The following MME variants were observed in gnomAD, a reference collection of about 807,000 sequenced individuals.
The protein encoded by MME is membrane metalloendopeptidase.
In MME, 98 loss-of-function variants were observed where a neutral mutation model predicts 113.2. That is an observed-to-expected ratio of 0.87 (90% confidence interval 0.74 to 1.02). The LOEUF is 1.02. Ranked by LOEUF, MME falls within the 50% of genes least tolerant of loss-of-function variation. The pLI, the probability that MME is intolerant of heterozygous loss-of-function variation, is 0.00. For synonymous variants in MME, 292 were observed against 300.6 expected, an observed-to-expected ratio of 0.97 and a Z score of 0.30; for missense variants, 836 against 896.0, an observed-to-expected ratio of 0.93 and a Z score of 0.86.
At chr3:155,095,775 G>A (rs1716682957) in intron 3 of MME, among the ~76,000 whole-genome samples, 1 of 152,100 alleles carries the variant, frequency 6.6e-6, no homozygotes, top group South Asian at 2.1e-4. Flanking sequence ...CTGCCGTCAG[G>A]AAAATGAAAA....
chr3:155,058,571 T>A lies in MME; in HGVS notation c.-10-25587T>A, dbSNP rs566490618. Among the ~76,000 whole-genome samples, 84 of 152,312 alleles carry A rather than the reference T, an allele frequency of 5.5e-4. 2 individuals carry two copies. The South Asian group carries it at 0.017, about 31-fold the overall frequency. ...TTGTGCCAAAGAACAAATAAGCATTTAACTTAATAATTAGGAAAAGAAAAG... is the reference window on the plus strand; with the variant it reads ...TTGTGCCAAAGAACAAATAAGCATTAAACTTAATAATTAGGAAAAGAAAAG... On this transcript the variant is annotated intron_variant, in intron 1 of 22. Coordinates refer to the MME transcript ENST00000492661.
Position 155,138,181 on chromosome 3 carries a change from A to G in MME, c.800A>G (p.Asn267Ser). The stretch of plus-strand genomic sequence containing the variant: ...GAAGAAAGATTGCCCATCGATGAAA[A>G]CCAGCTTGCTTTGGAAATGAATAAA... ...RQEERLPIDENQLALEMNKVM... is the reference protein window; with the variant it reads ...RQEERLPIDESQLALEMNKVM... The change falls in exon 9 of 23, where the codon AAC becomes AGC. Residue 267 changes from asparagine to serine, a missense_variant. Asn to Ser is a conservative substitution (Grantham distance 46, BLOSUM62 1). Transcript: ENST00000360490. 1 of 1,613,820 alleles carries G rather than the reference A, an allele frequency of 6.2e-7. No individual in the cohort carries two copies. The highest frequency in any genetic ancestry group is 8.5e-7 in the Non-Finnish European group (1 of 1,179,812).
intron 16 of MME, among the ~76,000 whole-genome samples, chr3:155,155,834 G>C (rs1252127958): frequency 6.6e-6 from 1 of 152,198 alleles, no homozygotes; most frequent in African/African-American, 2.4e-5. Flanking sequence ...TACCAAGTGT[G>C]TATGCACATA....
rs78774291 is a variant in MME at position 155,088,268 on chromosome 3, A to G, written c.196+3174A>G. On this transcript the variant is annotated intron_variant, in intron 3 of 22. Transcript: ENST00000360490. ...GGTTAGGAAATCTTTTCTGCCACAG[A>G]AAAATACAACTATTTCTTTTAGAAG... Among the ~76,000 whole-genome samples the G allele has an allele frequency of 2.8e-3, 420 of 152,312 alleles. 2 individuals are homozygous for G. Among genetic ancestry groups the G allele is most frequent in the South Asian group, 7.2e-3 (35 of 4,828 alleles).
At position 155,182,597 on chromosome 3, in the gene MME, C is replaced by G. The variant is rs1026072291; in HGVS notation, c.*2138C>G. The stretch of plus-strand genomic sequence containing the variant: ...TAGTTGGAGTAATAGGAGCTTCCAG[C>G]TCTAATAAAACAGCTGTCTCTAACT... On this transcript the variant is annotated 3_prime_UTR_variant, in exon 23 of 23. Transcript: ENST00000360490. 1 of 152,172 alleles carries G rather than the reference C, an allele frequency of 6.6e-6. No individual in the cohort carries two copies. 9.4% of individuals were successfully genotyped at this position (152,172 alleles called of 1,614,324 possible).
chr3:155,168,934 GAAGA>G (rs1292326616), intron 20 of MME, 137 bp downstream of exon 20: 2 of 718,534 alleles, frequency 2.8e-6, no homozygotes, highest in East Asian at 2.7e-5. Flanking sequence ...AAAAATATGA[GAAGA>G]AAGAGTGGTG....
rs558618245 is a variant in MME at position 155,134,449 on chromosome 3, G to A, written c.721-3653G>A. The stretch of plus-strand genomic sequence containing the variant: ...GATAATGACCTCCAGCTGCATCCAT[G>A]TTGCTGCAAAGGACATGATTTCATT... On this transcript the variant is annotated intron_variant, in intron 8 of 22. Transcript: ENST00000360490. 5.9e-5 allele frequency among the ~76,000 whole-genome samples: 9 copies of A among 152,258 alleles called. No individual in the cohort carries two copies. In the South Asian group the frequency reaches 1.9e-3, roughly 32 times the overall value.
chr3:155,039,592 A>G lies in MME; in HGVS notation c.-11+15268A>G, dbSNP rs538486858. On this transcript the variant is annotated intron_variant, in intron 1 of 22. Coordinates refer to the MME transcript ENST00000492661. Reference sequence around the variant, plus strand: ...TTAAAAACTGACCAAAGGAATCTCCATAAAATTTGCCAATTAATCATAGTA... The same window carrying G: ...TTAAAAACTGACCAAAGGAATCTCCGTAAAATTTGCCAATTAATCATAGTA... Among the ~76,000 whole-genome samples, 4 of 152,320 alleles carry G rather than the reference A, an allele frequency of 2.6e-5. No homozygotes were observed. In the South Asian group the frequency reaches 8.3e-4, roughly 32 times the overall value.
chr3:155,044,837 T>G (rs888378647), intron 1 of MME, among the ~76,000 whole-genome samples: 5 of 152,196 alleles, frequency 3.3e-5, no homozygotes, highest in Non-Finnish European at 5.9e-5. Context: ...GAACTGCACT[T>G]GACGAAGAAG....
At chr3:155,109,090 A>C (rs1277535421) in intron 3 of MME, among the ~76,000 whole-genome samples, 1 of 152,202 alleles carries the variant, frequency 6.6e-6, no homozygotes, top group East Asian at 1.9e-4. Context: ...TGAGATATCA[A>C]CAAAAATGTT....
intron 3 of MME, among the ~76,000 whole-genome samples, chr3:155,105,026 G>T (rs761038000): frequency 1.3e-5 from 2 of 152,048 alleles, no homozygotes; most frequent in African/African-American, 2.4e-5. Context: ...ATTATTAATA[G>T]AATATGTTTC....
chr3:155,143,393 T>A, intron 12 of MME, 50 bp from the exon 13 acceptor site: 1 of 1,601,460 alleles, frequency 6.2e-7, no homozygotes, highest in Non-Finnish European at 8.5e-7. Flanking sequence ...CTTAACATGC[T>A]CCAGACCTTT....
At chr3:155,168,885 A>G in intron 20 of MME, 88 bp downstream of exon 20, 2 of 1,113,002 alleles carry the variant, frequency 1.8e-6, no homozygotes, top group Non-Finnish European at 2.6e-6. Flanking sequence ...GCAAAAAAAG[A>G]AACTCATATA....
intron 3 of MME, among the ~76,000 whole-genome samples, chr3:155,087,005 G>GTT (rs5853712): frequency 2.8e-5 from 4 of 140,896 alleles, no homozygotes; most frequent in African/African-American, 5.3e-5. Flanking sequence ...GTTTTTTTTT[G>GTT]TTTTTTTTTT....
At chr3:155,098,482 G>T (rs1716928937) in intron 3 of MME, among the ~76,000 whole-genome samples, 1 of 151,986 alleles carries the variant, frequency 6.6e-6, no homozygotes, top group African/African-American at 2.4e-5. Context: ...CTTGAACCCA[G>T]GAGGTGGAGG....
upstream of MME, among the ~76,000 whole-genome samples, chr3:155,076,207 C>A (rs896525189): frequency 6.6e-5 from 10 of 152,156 alleles, no homozygotes; most frequent in African/African-American, 2.2e-4. Flanking sequence ...ATCATGAATT[C>A]TTACAGAAAG....
At chr3:155,169,312 G>A (rs1711654501) in intron 20 of MME, among the ~76,000 whole-genome samples, 1 of 152,134 alleles carries the variant, frequency 6.6e-6, no homozygotes, top group South Asian at 2.1e-4. Flanking sequence ...ACATGGCCTT[G>A]TAGTCAACCA....
intron 22 of MME, among the ~76,000 whole-genome samples, chr3:155,174,170 C>T (rs981344347): frequency 6.6e-6 from 1 of 152,008 alleles, no homozygotes; most frequent in African/African-American, 2.4e-5. Context: ...TTAAGTAAAA[C>T]GTACATAAGT....
intron 8 of MME, among the ~76,000 whole-genome samples, chr3:155,132,307 G>A (rs982932790): frequency 3.4e-4 from 52 of 152,176 alleles, no homozygotes; most frequent in African/African-American, 1.2e-3. Flanking sequence ...GGCAGGAAGA[G>A]CCTCATTTCT....
Sources: gnomAD v4.1 joint callset for allele counts (sites outside exome capture counted in the v4.1 genomes callset) on GRCh38, gnomAD v4.1.1 for gene constraint, MANE v1.5 for transcripts, NCBI Gene and HGNC (gene_info 2026-07-23, HGNC 2026-07-21) for gene names.